Variants in LAMA2 observed in about 807,000 individuals in gnomAD.
The protein encoded by LAMA2 is laminin subunit alpha-2.
Under a neutral mutation model 364.8 loss-of-function variants are expected in LAMA2, and 269 were observed. The observed-to-expected ratio is 0.74, with a 90% CI of 0.67 to 0.82. The LOEUF (loss-of-function observed/expected upper bound fraction) is 0.82. LAMA2 is among the 40% of genes least tolerant of loss of function. The probability of loss-of-function intolerance (pLI) is 0.00; values close to 1 mark genes in which losing one functional copy is unlikely to be tolerated. For synonymous variants in LAMA2, 1,379 were observed against 1,370.6 expected (o/e 1.01, Z -0.14); for missense variants, 3,807 against 3,873.2 (o/e 0.98, Z 0.45).
chr6:129,433,727 A>G (rs1781708366), intron 41 of LAMA2, among the ~76,000 whole-genome samples: 1 of 152,222 alleles, frequency 6.6e-6, no homozygotes, highest in Admixed American at 6.5e-5. Context: ...TTTAGGAAAT[A>G]TAAAAACGAA....
chr6:129,272,848 T>C (rs1788038987), intron 17 of LAMA2, among the ~76,000 whole-genome samples: 1 of 152,144 alleles, frequency 6.6e-6, no homozygotes, highest in African/African-American at 2.4e-5. Flanking sequence ...TGTATGCTCC[T>C]TATGAGAGTC....
At chr6:129,515,864 G>C (rs925778508) in intron 64 of LAMA2, among the ~76,000 whole-genome samples, 1 of 152,148 alleles carries the variant, frequency 6.6e-6, no homozygotes, top group Admixed American at 6.5e-5. Flanking sequence ...TAGATGGGGA[G>C]ATCTCTTGAG....
chr6:129,093,848 C>T (rs752192874), intron 3 of LAMA2, among the ~76,000 whole-genome samples: 1 of 152,112 alleles, frequency 6.6e-6, no homozygotes, highest in African/African-American at 2.4e-5. Context: ...TGCCCTTCAA[C>T]AGAAAAGACA....
intron 1 of LAMA2, among the ~76,000 whole-genome samples, chr6:128,925,839 A>G (rs1360368185): frequency 6.6e-6 from 1 of 151,992 alleles, no homozygotes; most frequent in East Asian, 1.9e-4. Flanking sequence ...CATAAATGCT[A>G]TCTTAATGCA....
chr6:129,055,254 C>A (rs1788407058), intron 2 of LAMA2, among the ~76,000 whole-genome samples: 1 of 150,640 alleles, frequency 6.6e-6, no homozygotes, highest in Admixed American at 6.6e-5. Context: ...TGCAGTGGCA[C>A]AATCTTGGCT....
chr6:129,192,570 GTTTT>G, intron 11 of LAMA2, 106 bp from the exon 12 acceptor site: 2 of 1,028,908 alleles, frequency 1.9e-6, no homozygotes, highest in Non-Finnish European at 2.9e-6. Flanking sequence ...TTGTGGTTTG[GTTTT>G]TTTTGTTTTT....
intron 58 of LAMA2, among the ~76,000 whole-genome samples, chr6:129,498,931 A>G (rs1333013137): frequency 6.6e-6 from 1 of 152,222 alleles, no homozygotes; most frequent in East Asian, 1.9e-4. Flanking sequence ...AATGAGTGAC[A>G]GTGTGGGGGT....
Position 129,091,153 on chromosome 6 carries a change from A to G in LAMA2, c.397-7020A>G, listed in dbSNP as rs190225397. Among the ~76,000 whole-genome samples, 4 of 152,342 alleles carry G rather than the reference A, an allele frequency of 2.6e-5. No individual in the cohort carries two copies. In the East Asian group the frequency reaches 5.8e-4, roughly 22 times the overall value. On this transcript the variant is annotated intron_variant, in intron 3 of 64. Coordinates refer to ENST00000421865, the MANE Select transcript of LAMA2 (RefSeq NM_000426.4). ...TATATATTCTCTTAGGGACATTGAA[A>G]ATAAGTCTTGCTATTTTTCAGAGCT...
chr6:129,076,571 A>T (rs1250827362), intron 3 of LAMA2, among the ~76,000 whole-genome samples: 4 of 147,762 alleles, frequency 2.7e-5, no homozygotes, highest in African/African-American at 9.9e-5. Context: ...ACACAGATTT[A>T]ATTTGGAAGC....
intron 12 of LAMA2, among the ~76,000 whole-genome samples, chr6:129,215,493 T>A (rs1371357967): frequency 6.6e-6 from 1 of 152,234 alleles, no homozygotes; most frequent in Non-Finnish European, 1.5e-5. Flanking sequence ...TTCTGAAGGA[T>A]GCTGCAGAGA....
chr6:129,177,940 C>A, intron 10 of LAMA2, 74 bp downstream of exon 10: 1 of 1,469,282 alleles, frequency 6.8e-7, no homozygotes. Flanking sequence ...TGTTGATTTC[C>A]TTGGCATTAA....
At chr6:129,370,515 T>C (rs1388978806) in intron 34 of LAMA2, among the ~76,000 whole-genome samples, 1 of 152,220 alleles carries the variant, frequency 6.6e-6, no homozygotes, top group Non-Finnish European at 1.5e-5. Context: ...TTTAAAGAAT[T>C]GGAAATTTTA....
chr6:129,337,039 G>A (rs536441342), intron 29 of LAMA2, among the ~76,000 whole-genome samples: 53 of 152,306 alleles, frequency 3.5e-4, no homozygotes, highest in Non-Finnish European at 5.1e-4. Context: ...GTTCATTCCT[G>A]TGGCATCTGT....
intron 9 of LAMA2, among the ~76,000 whole-genome samples, chr6:129,171,664 C>T (rs1225709360): frequency 7.0e-6 from 1 of 141,972 alleles, no homozygotes; most frequent in African/African-American, 2.7e-5. Context: ...TGGAGTTGCT[C>T]TTCTCGAGGA....
chr6:129,263,501 A>G (rs568524398), intron 15 of LAMA2, among the ~76,000 whole-genome samples: 1 of 152,288 alleles, frequency 6.6e-6, no homozygotes, highest in Admixed American at 6.5e-5. Flanking sequence ...ATGTAAAACC[A>G]GCTGCTAAGG....
At chr6:129,013,689 T>C (rs949040384) in intron 1 of LAMA2, among the ~76,000 whole-genome samples, 4 of 152,064 alleles carry the variant, frequency 2.6e-5, no homozygotes, top group African/African-American at 9.7e-5. Flanking sequence ...AGATTTTAAG[T>C]AGAGATGCAG....
chr6:128,911,992 G>A (rs183921795), intron 1 of LAMA2, among the ~76,000 whole-genome samples: 286 of 152,040 alleles, frequency 1.9e-3, no homozygotes, highest in African/African-American at 5.7e-3. Flanking sequence ...CCTTTTAATC[G>A]CTAACATTTT....
chr6:129,135,555 T>A (rs1210180019), intron 4 of LAMA2, among the ~76,000 whole-genome samples: 1 of 152,228 alleles, frequency 6.6e-6, no homozygotes, highest in Non-Finnish European at 1.5e-5. Flanking sequence ...TACAAGATCT[T>A]GTGTATTGTA....
intron 3 of LAMA2, among the ~76,000 whole-genome samples, chr6:129,088,211 A>G (rs1014622355): frequency 2.6e-5 from 4 of 151,044 alleles, no homozygotes; most frequent in Admixed American, 6.6e-5. Flanking sequence ...CGGGGTTGGG[A>G]GTAAGGTCAT....
Sources: allele counts gnomAD v4.1 joint callset (sites outside exome capture counted in the v4.1 genomes callset), GRCh38; gene constraint gnomAD v4.1.1; transcripts MANE v1.5; gene names NCBI Gene and HGNC (gene_info 2026-07-23, HGNC 2026-07-21).